The following ZNF446 variants were observed in gnomAD, a reference collection of about 807,000 sequenced individuals.
ZNF446 encodes zinc finger protein 446, also known as zinc finger protein with KRAB and SCAN domains 20.
ZNF446 carries 42 observed loss-of-function variants against 34.0 expected under a neutral mutation model. The observed-to-expected ratio is 1.23, with a 90% confidence interval of 0.96 to 1.60. The LOEUF is 1.60. Ranked by LOEUF, ZNF446 falls within the 40% of genes most tolerant of loss-of-function variation. The pLI is 0.00. For missense variants in ZNF446, 650 were observed against 600.2 expected, an observed-to-expected ratio of 1.08 and a Z score of -0.87; for synonymous variants, 315 against 251.0, an observed-to-expected ratio of 1.25 and a Z score of -2.41.
At chr19:58,478,613 G>A (rs1157991484) in intron 4 of ZNF446, among the ~76,000 whole-genome samples, 3 of 151,782 alleles carry the variant, frequency 2.0e-5, no homozygotes, top group East Asian at 1.9e-4. Context: ...GCAGTGAGCC[G>A]AGATTGTGCC....
downstream of ZNF446, among the ~76,000 whole-genome samples, chr19:58,482,791 G>C (rs1309222384): frequency 2.6e-5 from 4 of 152,174 alleles, no homozygotes; most frequent in East Asian, 7.7e-4. Context: ...GGAGGCGAGA[G>C]CTGTGCTGGG....
downstream of ZNF446, chr19:58,483,976 G>C (rs1211460264): frequency 6.6e-6 from 1 of 152,132 alleles, no homozygotes; most frequent in Non-Finnish European, 1.5e-5. Flanking sequence ...ATTCTCTTGA[G>C]TAAACACTTG....
chr19:58,485,950 C>T (rs868574908), downstream of ZNF446, among the ~76,000 whole-genome samples: 2 of 152,204 alleles, frequency 1.3e-5, no homozygotes, highest in Middle Eastern at 3.4e-3. Flanking sequence ...GACAGAGTCT[C>T]GCTCTGTCAC....
chr19:58,480,089 G>C lies in ZNF446; in HGVS notation c.802+70G>C, dbSNP rs1169203628. 3.2e-6 allele frequency: 5 copies of C among 1,557,034 alleles called. No homozygotes were observed. Among genetic ancestry groups the C allele is most frequent in the Admixed American group, 1.8e-5 (1 of 54,546 alleles). ...GGTGGGACCTGAGCCACCCACTCAT[G>C]GGGGGACGGGAGCTTGTGCCACGGC... On this transcript the variant is annotated intron_variant, in intron 6 of 6. Transcript: ENST00000594369. This position sits in a 1 kb window ranked among gnomAD's most constrained non-coding sequence, Gnocchi z 7.2.
At chr19:58,485,953 T>C (rs2053166413), downstream of ZNF446, among the ~76,000 whole-genome samples, 2 of 152,152 alleles carry the variant, frequency 1.3e-5, no homozygotes, top group African/African-American at 4.8e-5. Context: ...AGAGTCTCGC[T>C]CTGTCACCCG....
chr19:58,478,628 C>T (rs546142397), intron 4 of ZNF446, among the ~76,000 whole-genome samples: 7 of 151,408 alleles, frequency 4.6e-5, no homozygotes, highest in East Asian at 1.9e-4. Flanking sequence ...TGTGCCACTG[C>T]GCTCCAGCCT....
downstream of ZNF446, among the ~76,000 whole-genome samples, chr19:58,482,922 G>T (rs1369466102): frequency 3.9e-5 from 6 of 152,220 alleles, no homozygotes; most frequent in African/African-American, 1.4e-4. Context: ...GCTGCAGGGG[G>T]TGAGGGCAGT....
At chr19:58,484,091 G>T (rs1223328747), downstream of ZNF446, among the ~76,000 whole-genome samples, 1 of 151,890 alleles carries the variant, frequency 6.6e-6, no homozygotes, top group Non-Finnish European at 1.5e-5. Flanking sequence ...AAAACTTATT[G>T]TACAATTCTG....
At chr19:58,479,230 C>T (rs1448823599) in intron 4 of ZNF446, among the ~76,000 whole-genome samples, 1 of 152,190 alleles carries the variant, frequency 6.6e-6, no homozygotes, top group African/African-American at 2.4e-5. Flanking sequence ...GCTGTGGCTC[C>T]TCACAGCTGC....
At chr19:58,489,292 T>A in the ZNF446 span, among the ~76,000 whole-genome samples, 1 of 152,146 alleles carries the variant, frequency 6.6e-6, no homozygotes, top group Admixed American at 6.6e-5. Context: ...TTTTGCAGAC[T>A]CTGCACTTGA....
the ZNF446 span, among the ~76,000 whole-genome samples, chr19:58,488,464 T>C: frequency 6.6e-6 from 1 of 150,382 alleles, no homozygotes; most frequent in Non-Finnish European, 1.5e-5. Context: ...CAGATACACA[T>C]CAATATAACG....
the ZNF446 span, among the ~76,000 whole-genome samples, chr19:58,489,382 G>A: frequency 6.6e-6 from 1 of 152,010 alleles, no homozygotes; most frequent in Non-Finnish European, 1.5e-5. Context: ...CGCGCAAGAC[G>A]ACAGCTTCGA....
chr19:58,481,499 G>T (rs2122453240), downstream of ZNF446, among the ~76,000 whole-genome samples: 1 of 152,308 alleles, frequency 6.6e-6, no homozygotes, highest in East Asian at 1.9e-4. Context: ...GGACAAGGGG[G>T]ACCTCTGAGA....
downstream of ZNF446, chr19:58,483,441 C>G (rs531690981): frequency 6.6e-6 from 1 of 152,102 alleles, no homozygotes; most frequent in Non-Finnish European, 1.5e-5. Context: ...TGGGCCAAGA[C>G]GGCGCCACTG....
chr19:58,487,215 TTGA>T, the ZNF446 span, among the ~76,000 whole-genome samples: 30 of 152,288 alleles, frequency 2.0e-4, no homozygotes, highest in African/African-American at 7.2e-4. Context: ...CTCCTGTGAT[TTGA>T]TGATGTCATA....
chr19:58,486,355 G>A, the ZNF446 span, among the ~76,000 whole-genome samples: 1 of 151,582 alleles, frequency 6.6e-6, no homozygotes, highest in Non-Finnish European at 1.5e-5. Context: ...AAAGTGCTGG[G>A]ATTGCAGGCA....
chr19:58,484,629 C>G (rs541836890), downstream of ZNF446, among the ~76,000 whole-genome samples: 4 of 150,506 alleles, frequency 2.7e-5, no homozygotes, highest in South Asian at 8.5e-4. Context: ...CCCAAGAGTT[C>G]AAGACCAGCC....
chr19:58,487,694 A>G, the ZNF446 span, among the ~76,000 whole-genome samples: 783 of 152,020 alleles, frequency 5.2e-3, 5 homozygotes, highest in Non-Finnish European at 7.5e-3. Flanking sequence ...CTGTAATCCC[A>G]GCTACTCAGG....
In ZNF446 at chr19:58,480,204, C is replaced by T. The variant is rs1223495045; in HGVS notation, c.831C>T (p.Cys277=). The change falls in exon 7 of 7, where the codon TGC becomes TGT. Residue 277 remains cysteine (C), a synonymous_variant. Transcript: ENST00000594369. The surrounding 1 kb of genome is among the most constrained non-coding windows in gnomAD (Gnocchi z 7.2). ...SGNESEGPPG[C]PEAQPPQGPG... Reference sequence around the variant, plus strand: ...ATGAGAGTGAGGGTCCACCTGGCTGCCCAGAGGCCCAGCCGCCCCAGGGCC... The same window carrying T: ...ATGAGAGTGAGGGTCCACCTGGCTGTCCAGAGGCCCAGCCGCCCCAGGGCC... 1 of 1,596,138 alleles carries T rather than the reference C, an allele frequency of 6.3e-7. No individual in the cohort carries two copies. Among genetic ancestry groups the T allele is most frequent in the Admixed American group, 1.7e-5 (1 of 59,774 alleles).
Sources: allele counts gnomAD v4.1 joint callset (sites outside exome capture counted in the v4.1 genomes callset), GRCh38; gene constraint gnomAD v4.1.1; non-coding constraint Gnocchi (gnomAD v3.1); transcripts MANE v1.5; gene names NCBI Gene and HGNC (gene_info 2026-07-23, HGNC 2026-07-21).